NUP93: variants seen among roughly 807,000 people sequenced by gnomAD.
NUP93 encodes the protein nucleoporin 93, also known as nuclear pore complex protein Nup93.
NUP93 carries 55 observed loss-of-function variants against 107.8 expected under a neutral mutation model. That is an observed-to-expected ratio of 0.51 (90% CI 0.41 to 0.64). The LOEUF is 0.64. Among genes scored for constraint, NUP93 ranks in the 30% least tolerant of loss-of-function variants. The pLI, the probability that NUP93 is intolerant of heterozygous loss-of-function variation, is 0.00. For synonymous variants in NUP93, 390 were observed against 397.5 expected, an observed-to-expected ratio of 0.98 and a Z score of 0.22; for missense variants, 937 against 1,044.7, an observed-to-expected ratio of 0.90 and a Z score of 1.42.
intron 3 of NUP93, among the ~76,000 whole-genome samples, chr16:56,760,996 C>G (rs1269991537): frequency 6.6e-6 from 1 of 152,088 alleles, no homozygotes; most frequent in African/African-American, 2.4e-5. Context: ...CAACTCACCT[C>G]TTCGTTGTGC....
At chr16:56,771,720 T>C (rs1962325947) in intron 3 of NUP93, among the ~76,000 whole-genome samples, 1 of 152,204 alleles carries the variant, frequency 6.6e-6, no homozygotes, top group Non-Finnish European at 1.5e-5. Context: ...GAGATATACT[T>C]TGGAACAAAA....
chr16:56,830,618 C>A lies in NUP93; in HGVS notation c.1018C>A (p.Arg340=), dbSNP rs765875794. ...DLLAASQVVN[R]AQHQLGEFKT... is the part of the protein sequence containing the mutation. ...GCTTGCCGCTTCACAGGTAGTTAATCGAGCCCAGCACCAGCTGGGAGAGTT... is the reference window on the plus strand; with the variant it reads ...GCTTGCCGCTTCACAGGTAGTTAATAGAGCCCAGCACCAGCTGGGAGAGTT... Residue 340 remains arginine, a synonymous_variant, in exon 10 of 22, where the codon CGA becomes AGA. Transcript: ENST00000308159. The A allele has an allele frequency of 3.1e-6, 5 of 1,610,408 alleles. No homozygotes were observed. Among genetic ancestry groups the A allele is most frequent in the Non-Finnish European group, 4.2e-6 (5 of 1,176,998 alleles).
At chr16:56,840,606 TCG>T (rs1964004479) in intron 20 of NUP93, among the ~76,000 whole-genome samples, 1 of 152,228 alleles carries the variant, frequency 6.6e-6, no homozygotes, top group Non-Finnish European at 1.5e-5. Context: ...AACTCAGCTG[TCG>T]ACACTATAGA....
chr16:56,817,897 T>C (rs997783344), intron 5 of NUP93, among the ~76,000 whole-genome samples: 3 of 152,244 alleles, frequency 2.0e-5, no homozygotes, highest in Non-Finnish European at 4.4e-5. Flanking sequence ...GTCTAGTGTG[T>C]GTAAGTATAC....
chr16:56,752,040 A>G (rs138431532), intron 2 of NUP93, among the ~76,000 whole-genome samples: 4 of 152,234 alleles, frequency 2.6e-5, no homozygotes, highest in Non-Finnish European at 4.4e-5. Flanking sequence ...ACAGGTGTCA[A>G]CTACTTAAAT....
intron 18 of NUP93, among the ~76,000 whole-genome samples, chr16:56,838,346 T>C (rs1311376209): frequency 2.0e-5 from 3 of 152,198 alleles, no homozygotes; most frequent in Non-Finnish European, 4.4e-5. Flanking sequence ...TGAGGGCTGC[T>C]CGGCTTTTTG....
intron 3 of NUP93, among the ~76,000 whole-genome samples, chr16:56,784,809 C>G (rs1962590088): frequency 6.6e-6 from 1 of 152,148 alleles, no homozygotes. Context: ...GCCAGCTGTT[C>G]TTCTAGCTCT....
chr16:56,839,846 T>G (rs1406733761), intron 20 of NUP93: 5 of 473,746 alleles, frequency 1.1e-5, no homozygotes, highest in Non-Finnish European at 1.9e-5. Flanking sequence ...ATTGACATGT[T>G]CTTGGGAGAA....
chr16:56,731,141 A>G (rs528142081), intron 1 of NUP93, among the ~76,000 whole-genome samples: 1 of 152,186 alleles, frequency 6.6e-6, no homozygotes, highest in Non-Finnish European at 1.5e-5. Context: ...TACATATCAG[A>G]GGCTAACAGA....
At chr16:56,804,878 C>G (rs1963100274) in intron 4 of NUP93, among the ~76,000 whole-genome samples, 1 of 150,382 alleles carries the variant, frequency 6.6e-6, no homozygotes, top group East Asian at 1.9e-4. Context: ...TGCGCTCCAG[C>G]CTGGGCGACA....
intron 17 of NUP93, 97 bp from the exon 18 acceptor site, chr16:56,837,511 C>T (rs1963935917): frequency 2.1e-6 from 2 of 973,260 alleles, no homozygotes; most frequent in African/African-American, 1.6e-5. Flanking sequence ...AAATGTCACC[C>T]CAGAAAGTTC....
At chr16:56,811,309 G>T (rs1246079152) in intron 5 of NUP93, among the ~76,000 whole-genome samples, 1 of 152,172 alleles carries the variant, frequency 6.6e-6, no homozygotes, top group African/African-American at 2.4e-5. Flanking sequence ...ATTCCAGTGT[G>T]TATGTGGAAC....
At chr16:56,820,669 C>T (rs762494022) in intron 6 of NUP93, among the ~76,000 whole-genome samples, 4 of 152,178 alleles carry the variant, frequency 2.6e-5, no homozygotes, top group African/African-American at 9.7e-5. Context: ...CTGATGTTCC[C>T]CCATTTAATG....
intron 3 of NUP93, among the ~76,000 whole-genome samples, chr16:56,789,073 G>C (rs1026087029): frequency 6.6e-5 from 10 of 152,058 alleles, no homozygotes; most frequent in African/African-American, 2.4e-4. Context: ...GTCTGCAAAA[G>C]GCATTTGGAT....
chr16:56,767,359 T>C (rs950220689), intron 3 of NUP93, among the ~76,000 whole-genome samples: 5 of 152,240 alleles, frequency 3.3e-5, no homozygotes, highest in Non-Finnish European at 5.9e-5. Flanking sequence ...AAAGAACCCT[T>C]GTCTTATAAG....
intron 6 of NUP93, among the ~76,000 whole-genome samples, chr16:56,819,174 C>T (rs1313639141): frequency 6.6e-6 from 1 of 151,990 alleles, no homozygotes; most frequent in Non-Finnish European, 1.5e-5. Context: ...TACTTAATAC[C>T]ACTGTTGTCC....
intron 1 of NUP93, among the ~76,000 whole-genome samples, chr16:56,735,792 C>T (rs1250413400): frequency 1.3e-5 from 2 of 148,344 alleles, no homozygotes; most frequent in East Asian, 2.0e-4. Context: ...CTCATCATTG[C>T]ACTCCAGCCT....
At chr16:56,731,540 T>A (rs1030749476) in intron 1 of NUP93, among the ~76,000 whole-genome samples, 2 of 152,146 alleles carry the variant, frequency 1.3e-5, no homozygotes, top group African/African-American at 4.8e-5. Flanking sequence ...CCCAAGTAGC[T>A]GGGATTACAG....
At chr16:56,840,607 C>T (rs1319227600) in intron 20 of NUP93, among the ~76,000 whole-genome samples, 2 of 152,186 alleles carry the variant, frequency 1.3e-5, no homozygotes, top group Non-Finnish European at 1.5e-5. Context: ...ACTCAGCTGT[C>T]GACACTATAG....
Sources: gnomAD v4.1 joint callset for allele counts (sites outside exome capture counted in the v4.1 genomes callset) on GRCh38, gnomAD v4.1.1 for gene constraint, MANE v1.5 for transcripts, NCBI Gene and HGNC (gene_info 2026-07-23, HGNC 2026-07-21) for gene names.